RNF170: variants seen among roughly 807,000 people sequenced by gnomAD.
The protein encoded by RNF170 is E3 ubiquitin-protein ligase RNF170.
In RNF170, 12 loss-of-function variants were observed where a neutral mutation model predicts 32.7. The observed-to-expected ratio is 0.37, with a 90% confidence interval of 0.24 to 0.60. The LOEUF (loss-of-function observed/expected upper bound fraction) is 0.60, where lower values mean the gene tolerates loss of function less well. Ranked by LOEUF, RNF170 falls within the 20% of genes least tolerant of loss-of-function variation. The probability of loss-of-function intolerance (pLI) is 0.72; values close to 1 mark genes in which losing one functional copy is unlikely to be tolerated. For synonymous variants in RNF170, 91 were observed against 103.6 expected (o/e 0.88, Z 0.74); for missense variants, 212 against 311.2 (o/e 0.68, Z 2.40).
chr8:42,851,168 G>C (rs960543313), downstream of RNF170, among the ~76,000 whole-genome samples: 1 of 152,090 alleles, frequency 6.6e-6, no homozygotes, highest in Admixed American at 6.5e-5. Context: ...TGGACACACA[G>C]AACTCTCCTT....
In RNF170 at chr8:42,854,229, ATAATGT is replaced by A; in HGVS notation, c.*1924_*1929del. ...TAAGCTGTCTTACTCTGATGGAGGT[ATAATGT>A]AGCACGAAAGACTTCCAAAGAACCA... is the stretch of plus-strand genomic sequence containing the variant. On this transcript the variant is annotated 3_prime_UTR_variant, in exon 7 of 7. Coordinates refer to ENST00000527424, the MANE Select transcript of RNF170 (RefSeq NM_030954.4). The A allele has an allele frequency of 7.8e-7, 1 of 1,287,238 alleles. No homozygotes were observed. Among genetic ancestry groups the A allele is most frequent in the Non-Finnish European group, 1.0e-6 (1 of 988,692 alleles). 79.7% of individuals were successfully genotyped at this position (1,287,238 alleles called of 1,614,324 possible).
intron 6 of RNF170, 42 bp downstream of exon 6, chr8:42,861,703 T>A: frequency 7.0e-7 from 1 of 1,429,728 alleles, no homozygotes; most frequent in Non-Finnish European, 9.9e-7. Context: ...AGAGAAGAAA[T>A]GTGTCTTCCT....
At chr8:42,874,373 T>A (rs1482485233) in intron 2 of RNF170, among the ~76,000 whole-genome samples, 1 of 152,210 alleles carries the variant, frequency 6.6e-6, no homozygotes, top group African/African-American at 2.4e-5. Context: ...CTTTTCCACA[T>A]CTAATTAGAT....
chr8:42,856,316 A>G lies in RNF170; in HGVS notation c.620T>C (p.Met207Thr), dbSNP rs767158064. ...MFRIRIILCL[M>T]GAFFYLISPL... ...TGATATAAGATAGAAAAAAGCTCCC[A>G]TTAAACAAAGTATTATCCTGATGCG... Residue 207 changes from methionine to threonine, a missense_variant, in exon 7 of 7, where the codon ATG (methionine) becomes ACG (threonine). Around this residue, in one of 2 missense-constraint regions of RNF170, gnomAD observed 97 missense variants for 178.9 expected, o/e 0.54. Coordinates refer to ENST00000527424, the MANE Select transcript of RNF170 (RefSeq NM_030954.4). The G allele has an allele frequency of 4.0e-5, 64 of 1,584,480 alleles. No individual in the cohort carries two copies. The highest frequency in any genetic ancestry group is 5.2e-5 in the Non-Finnish European group (61 of 1,171,344).
intron 5 of RNF170, 39 bp from the exon 6 acceptor site, chr8:42,861,894 C>CA: frequency 6.5e-7 from 1 of 1,549,494 alleles, no homozygotes; most frequent in African/African-American, 1.4e-5. Flanking sequence ...CAACTTTCTG[C>CA]ATCATTATGT....
rs1001798987 is a variant in RNF170, at chr8:42,853,699, G to A, written c.*2460C>T. The A allele has an allele frequency of 3.1e-6, 4 of 1,287,054 alleles. No individual in the cohort carries two copies. Among genetic ancestry groups the A allele is most frequent in the Admixed American group, 2.3e-5 (1 of 43,548 alleles). The allele number at this position is 1,287,054 out of a possible 1,614,324, so 79.7% of individuals were successfully genotyped here. A position where few individuals can be genotyped will look rare whatever the true frequency, so the allele number is the denominator to read the frequency against. ...TACTATGATGTTCAAAACTCTGATT[G>A]ACTCTACTTGCTTTAAAAACTCTCA... On this transcript the variant is annotated 3_prime_UTR_variant, in exon 7 of 7. Transcript: ENST00000527424.
At position 42,896,477 on chromosome 8, in the gene RNF170, G is replaced by A. The variant is rs902579135; in HGVS notation, c.-8+7C>T. 5 of 453,792 alleles carry A rather than the reference G, an allele frequency of 1.1e-5. No homozygotes were observed. The highest frequency in any genetic ancestry group is 4.7e-5 in the Admixed American group (2 of 42,546). The allele number at this position is 453,792 out of a possible 1,614,324, so 28.1% of individuals were successfully genotyped here. A position where few individuals can be genotyped will look rare whatever the true frequency, so the allele number is the denominator to read the frequency against. The stretch of plus-strand genomic sequence containing the variant: ...GGGTGGGCGTGGCCGCCGCGCGCCG[G>A]ACGTACCTCTCCACCGCGAAGGAAC... On this transcript the variant is annotated splice_region_variant and intron_variant, in intron 1 of 6. Coordinates refer to ENST00000527424, the MANE Select transcript of RNF170 (RefSeq NM_030954.4).
intron 2 of RNF170, among the ~76,000 whole-genome samples, chr8:42,883,054 C>A (rs1452985852): frequency 1.3e-5 from 2 of 151,508 alleles, no homozygotes; most frequent in Middle Eastern, 3.4e-3. Flanking sequence ...CAAGAGAGAA[C>A]CTGTCTCAAG....
intron 4 of RNF170, among the ~76,000 whole-genome samples, chr8:42,865,708 G>A (rs2128929978): frequency 6.6e-6 from 1 of 152,268 alleles, no homozygotes; most frequent in Admixed American, 6.5e-5. Context: ...TTAAGGCCGG[G>A]CACAGTGGCT....
chr8:42,891,376 A>T, intron 1 of RNF170, among the ~76,000 whole-genome samples: 1 of 152,044 alleles, frequency 6.6e-6, no homozygotes, highest in East Asian at 1.9e-4. Context: ...TCTTTTTTTT[A>T]AAAGAGACCA....
chr8:42,861,636 C>G (rs1443595918), intron 6 of RNF170, 109 bp downstream of exon 6: 2 of 913,558 alleles, frequency 2.2e-6, no homozygotes, highest in South Asian at 2.8e-5. Context: ...AGCTACTGTG[C>G]CTGGCCAAGA....
intron 2 of RNF170, among the ~76,000 whole-genome samples, chr8:42,886,906 C>T (rs188801677): frequency 6.6e-6 from 1 of 152,086 alleles, no homozygotes; most frequent in African/African-American, 2.4e-5. Context: ...GTAATCCCAG[C>T]ACTTTGGGAG....
chr8:42,850,635 GCAGA>G, downstream of RNF170: 1 of 843,136 alleles, frequency 1.2e-6, no homozygotes, highest in South Asian at 1.7e-5. Context: ...CTAGTGAGAA[GCAGA>G]CAGACAATGG....
chr8:42,890,429 C>T (rs1401556852), intron 1 of RNF170, among the ~76,000 whole-genome samples: 1 of 151,924 alleles, frequency 6.6e-6, no homozygotes. Context: ...AGGCGCCCCC[C>T]ACCACACCCG....
At chr8:42,858,580 A>C (rs571553877) in intron 6 of RNF170, among the ~76,000 whole-genome samples, 3 of 152,218 alleles carry the variant, frequency 2.0e-5, no homozygotes, top group Non-Finnish European at 4.4e-5. Flanking sequence ...AGTGCTGTCT[A>C]TGATAAACGC....
chr8:42,865,452 C>T lies in RNF170; in HGVS notation c.360G>A (p.Trp120Ter). The change falls in exon 5 of 7, where the codon TGG becomes TGA. Residue 120 changes from tryptophan (W) to a stop codon, truncating the protein, a stop_gained. Coordinates refer to ENST00000527424, the MANE Select transcript of RNF170 (RefSeq NM_030954.4). LOFTEE classifies it high-confidence loss of function. ...AGATTGGACAACTGATTGCCCCAAG[C>T]CATGAACCATATCGCCAGTAAGCAA... is the stretch of plus-strand genomic sequence containing the variant. ...CIIAYWRYGS[W>*]LGAISCPICR... is the part of the protein sequence containing the mutation. 1.2e-6 allele frequency: 2 copies of T among 1,613,736 alleles called. No individual in the cohort carries two copies. The highest frequency in any genetic ancestry group is 1.7e-6 in the Non-Finnish European group (2 of 1,179,814).
At position 42,860,313 on chromosome 8, in the gene RNF170, A is replaced by G. The variant is rs1803562043; in HGVS notation, c.507+1432T>C. Among the ~76,000 whole-genome samples the G allele has an allele frequency of 2.0e-5, 3 of 152,222 alleles. No homozygotes were observed. The South Asian group carries it at 6.2e-4, about 32-fold the overall frequency. ...TTGATAAAACAAGAATGAGTCAGTAAAATGTGCTAGTTTTTGATTTATCAA... is the reference window on the plus strand; with the variant it reads ...TTGATAAAACAAGAATGAGTCAGTAGAATGTGCTAGTTTTTGATTTATCAA... On this transcript the variant is annotated intron_variant, in intron 6 of 6. Transcript: ENST00000527424.
intron 6 of RNF170, among the ~76,000 whole-genome samples, chr8:42,857,513 T>C (rs1803330980): frequency 6.6e-6 from 1 of 152,246 alleles, no homozygotes; most frequent in African/African-American, 2.4e-5. Flanking sequence ...AGTATCATCA[T>C]TTATACAAAA....
intron 3 of RNF170, among the ~76,000 whole-genome samples, chr8:42,870,972 G>A (rs1211403747): frequency 6.6e-6 from 1 of 152,100 alleles, no homozygotes; most frequent in African/African-American, 2.4e-5. Flanking sequence ...ACTTTGGGTG[G>A]CTGAGGTGGG....
Sources: allele counts gnomAD v4.1 joint callset (sites outside exome capture counted in the v4.1 genomes callset), GRCh38; gene constraint gnomAD v4.1.1; regional missense constraint gnomAD v4.1.1; transcripts MANE v1.5; gene names NCBI Gene and HGNC (gene_info 2026-07-23, HGNC 2026-07-21).